Variants in SLC39A8 observed in about 807,000 individuals in gnomAD.
The protein encoded by SLC39A8 is solute carrier family 39 member 8, also known as metal cation symporter ZIP8.
In SLC39A8, 15 loss-of-function variants were observed where a neutral mutation model predicts 40.4. The ratio of observed to expected loss-of-function variants is 0.37; its 90% CI spans 0.25 to 0.57. The LOEUF (loss-of-function observed/expected upper bound fraction) is 0.57. SLC39A8 is among the 20% of genes least tolerant of loss of function. The pLI is 0.75. For synonymous variants in SLC39A8, 223 were observed against 221.6 expected, an observed-to-expected ratio of 1.01 and a Z score of -0.06; for missense variants, 472 against 558.8, an observed-to-expected ratio of 0.84 and a Z score of 1.57.
intron 7 of SLC39A8, 87 bp from the exon 8 acceptor site, chr4:102,267,761 G>T: frequency 2.0e-6 from 3 of 1,533,626 alleles, no homozygotes; most frequent in Non-Finnish European, 2.7e-6. Flanking sequence ...GTCCAACAAG[G>T]TCTTCATTTT....
chr4:102,344,854 G>T lies in SLC39A8; in HGVS notation c.-192C>A. ...AGCAGCTCGCGACCTGCGGGGCATT[G>T]AAGTGGCAGCGTAGCCGAGGGGAGC... On this transcript the variant is annotated 5_prime_UTR_variant, in exon 2 of 9. Coordinates refer to ENST00000356736, the MANE Select transcript of SLC39A8 (RefSeq NM_001135146.2). 6.8e-6 allele frequency: 9 copies of T among 1,314,962 alleles called. No individual in the cohort carries two copies. Among genetic ancestry groups the T allele is most frequent in the Non-Finnish European group, 8.7e-6 (9 of 1,037,706 alleles). The allele number at this position is 1,314,962 out of a possible 1,614,324, so 81.5% of individuals were successfully genotyped here.
chr4:102,296,292 T>C lies in SLC39A8; in HGVS notation c.840+8025A>G, dbSNP rs118015894. On this transcript the variant is annotated intron_variant, in intron 6 of 8. Transcript: ENST00000356736. ...CTAACCTAGAAGGAACATATACAAA[T>C]AGATTCAAACAGCTATGTGGTTTAT... is the stretch of plus-strand genomic sequence containing the variant. Among the ~76,000 whole-genome samples, 107 of 151,974 alleles carry C rather than the reference T, an allele frequency of 7.0e-4. 1 individual carries two copies. The East Asian group carries it at 0.018, about 26-fold the overall frequency.
intron 2 of SLC39A8, among the ~76,000 whole-genome samples, chr4:102,343,927 C>G (rs914589811): frequency 1.3e-5 from 2 of 152,210 alleles, no homozygotes; most frequent in African/African-American, 4.8e-5. Context: ...AAGGCCGCCC[C>G]TGTTTCAGCC....
downstream of SLC39A8, among the ~76,000 whole-genome samples, chr4:102,257,780 C>G (rs1295720815): frequency 6.6e-6 from 1 of 152,214 alleles, no homozygotes; most frequent in African/African-American, 2.4e-5. Context: ...CACTTACCAA[C>G]TTACTAACAC....
At chr4:102,285,628 GGT>G (rs59048258) in intron 6 of SLC39A8, among the ~76,000 whole-genome samples, 12 of 150,042 alleles carry the variant, frequency 8.0e-5, no homozygotes, top group East Asian at 3.9e-4. Flanking sequence ...TATAGATGAG[GGT>G]GTGTGTGTGT....
intron 6 of SLC39A8, among the ~76,000 whole-genome samples, chr4:102,273,696 G>A (rs1377690696): frequency 6.6e-6 from 1 of 152,176 alleles, no homozygotes; most frequent in Non-Finnish European, 1.5e-5. Flanking sequence ...ATACAGAAGG[G>A]CTCCAACTGG....
At chr4:102,278,257 C>G (rs1374070030) in intron 6 of SLC39A8, among the ~76,000 whole-genome samples, 1 of 152,120 alleles carries the variant, frequency 6.6e-6, no homozygotes, top group Non-Finnish European at 1.5e-5. Context: ...GGGCTAATAT[C>G]CAGAATCTAC....
intron 6 of SLC39A8, among the ~76,000 whole-genome samples, chr4:102,279,374 G>A (rs1196229746): frequency 7.9e-5 from 12 of 152,058 alleles, no homozygotes; most frequent in Admixed American, 7.2e-4. Context: ...TAATGATCAG[G>A]GGGAATTGAT....
At chr4:102,326,225 A>G (rs1435757302) in intron 2 of SLC39A8, among the ~76,000 whole-genome samples, 2 of 152,180 alleles carry the variant, frequency 1.3e-5, no homozygotes, top group South Asian at 2.1e-4. Context: ...TGTGGAGGGC[A>G]TGCTGCTTCT....
intron 6 of SLC39A8, among the ~76,000 whole-genome samples, chr4:102,282,082 A>G (rs777594338): frequency 3.9e-5 from 6 of 152,216 alleles, no homozygotes; most frequent in Non-Finnish European, 8.8e-5. Context: ...GAGGTATAGA[A>G]AGGTTAGGTA....
rs1042455986 is a variant in SLC39A8, at chr4:102,251,744, A to C, written c.*1985T>G. 3.9e-5 allele frequency: 6 copies of C among 152,344 alleles called. No homozygotes were observed. The East Asian group carries it at 1.2e-3, about 29-fold the overall frequency. The allele number at this position is 152,344 out of a possible 1,614,324, so 9.4% of individuals were successfully genotyped here. ...ATTATGTGGGGAGGTTTAAAATAGA[A>C]GAATTACTTGAACAAGGTCTATACA... On this transcript the variant is annotated 3_prime_UTR_variant and NMD_transcript_variant, in exon 12 of 12. Transcript: ENST00000424970.
At chr4:102,275,622 G>A (rs1466320540) in intron 6 of SLC39A8, among the ~76,000 whole-genome samples, 1 of 151,970 alleles carries the variant, frequency 6.6e-6, no homozygotes, top group African/African-American at 2.4e-5. Flanking sequence ...CTCAGCTCTG[G>A]ACCAAGCTGA....
chr4:102,337,730 T>C (rs575881364), intron 2 of SLC39A8, among the ~76,000 whole-genome samples: 2 of 152,330 alleles, frequency 1.3e-5, no homozygotes, highest in East Asian at 1.9e-4. Flanking sequence ...AGTGGATTCA[T>C]TGGCCGAAAA....
At chr4:102,308,251 G>A (rs1053885350) in intron 3 of SLC39A8, among the ~76,000 whole-genome samples, 3 of 152,034 alleles carry the variant, frequency 2.0e-5, no homozygotes, top group Non-Finnish European at 4.4e-5. Context: ...AGCACATGGG[G>A]CAGGAGGGAG....
chr4:102,268,162 G>A (rs1031833283), intron 6 of SLC39A8, 83 bp from the exon 7 acceptor site: 101 of 1,403,858 alleles, frequency 7.2e-5, no homozygotes, highest in Non-Finnish European at 8.9e-5. Context: ...GGTTGTGCTT[G>A]AGAAAAACAA....
intron 8 of SLC39A8, among the ~76,000 whole-genome samples, chr4:102,264,279 C>A (rs528006081): frequency 3.3e-5 from 5 of 152,330 alleles, no homozygotes; most frequent in Admixed American, 1.3e-4. Flanking sequence ...AGCACAAAAA[C>A]TTTCATCTCC....
intron 2 of SLC39A8, among the ~76,000 whole-genome samples, chr4:102,330,446 C>A (rs541871086): frequency 2.0e-5 from 3 of 152,174 alleles, no homozygotes; most frequent in Non-Finnish European, 2.9e-5. Flanking sequence ...TTCCTGGACA[C>A]ATACACCCTC....
exon 12 of SLC39A8, chr4:102,251,866 C>T (rs913595896): frequency 2.6e-5 from 4 of 152,234 alleles, no homozygotes; most frequent in African/African-American, 9.6e-5. Context: ...TCATCTCCTG[C>T]TGTTAAGACA....
exon 12 of SLC39A8, chr4:102,251,740 T>C (rs945023016): frequency 6.6e-6 from 1 of 152,206 alleles, no homozygotes; most frequent in African/African-American, 2.4e-5. Context: ...AGGTTTAAAA[T>C]AGAAGAATTA....
Sources: gnomAD v4.1 joint callset for allele counts (sites outside exome capture counted in the v4.1 genomes callset) on GRCh38, gnomAD v4.1.1 for gene constraint, MANE v1.5 for transcripts, NCBI Gene and HGNC (gene_info 2026-07-23, HGNC 2026-07-21) for gene names.